ANGPT4: variants seen among roughly 807,000 people sequenced by gnomAD.
ANGPT4 encodes angiopoietin-4.
A neutral mutation model predicts 53.0 loss-of-function variants in ANGPT4; 50 were observed. That is an observed-to-expected ratio of 0.94 (90% confidence interval 0.75 to 1.20). The LOEUF (loss-of-function observed/expected upper bound fraction) is 1.20. Among genes scored for constraint, ANGPT4 ranks in the 50% most tolerant of loss-of-function variants. The pLI, the probability that ANGPT4 is intolerant of heterozygous loss-of-function variation, is 0.00. For missense variants in ANGPT4, 648 were observed against 637.1 expected (o/e 1.02, Z -0.18); for synonymous variants, 251 against 259.7 (o/e 0.97, Z 0.32).
rs557704680 is a variant in ANGPT4 at position 909,541 on chromosome 20, G to A, written c.309+6365C>T. 9.8e-5 allele frequency among the ~76,000 whole-genome samples: 15 copies of A among 152,298 alleles called. No homozygotes were observed. The East Asian group carries it at 1.2e-3, about 12-fold the overall frequency. On this transcript the variant is annotated intron_variant, in intron 1 of 8. Coordinates refer to ENST00000381922, the MANE Select transcript of ANGPT4 (RefSeq NM_015985.4). ...TACGACAGGATTCCTTCCTTGCACC[G>A]TGAATCCTGGAGTCTTGACGTTTAC...
At chr20:897,278 C>T (rs1028161107) in intron 1 of ANGPT4, among the ~76,000 whole-genome samples, 2 of 152,162 alleles carry the variant, frequency 1.3e-5, no homozygotes, top group African/African-American at 4.8e-5. Flanking sequence ...GAGACCGGTC[C>T]CCTGTCCTTG....
intron 1 of ANGPT4, among the ~76,000 whole-genome samples, chr20:895,462 C>T (rs570213521): frequency 6.6e-6 from 1 of 152,292 alleles, no homozygotes; most frequent in South Asian, 2.1e-4. Flanking sequence ...CTTTACAGAT[C>T]TGGGTCATGG....
intron 4 of ANGPT4, among the ~76,000 whole-genome samples, chr20:881,696 CA>C (rs1353391593): frequency 6.6e-6 from 1 of 152,046 alleles, no homozygotes; most frequent in Non-Finnish European, 1.5e-5. Flanking sequence ...AAGGCTGGCA[CA>C]GAGAAGGTGG....
At chr20:915,770 C>T (rs375134979) in intron 1 of ANGPT4, 136 bp downstream of exon 1, 2 of 1,153,916 alleles carry the variant, frequency 1.7e-6, no homozygotes, top group African/African-American at 1.6e-5. Flanking sequence ...CTCAGACCCA[C>T]CCCTGCCCCT....
At chr20:897,717 G>T (rs1438867065) in intron 1 of ANGPT4, among the ~76,000 whole-genome samples, 2 of 152,126 alleles carry the variant, frequency 1.3e-5, no homozygotes, top group East Asian at 3.9e-4. Context: ...GCTGCTCACC[G>T]CCCGCTTCTC....
chr20:916,233 C>A lies in ANGPT4; in HGVS notation c.-19G>T, dbSNP rs370905563. 3.4e-5 allele frequency: 54 copies of A among 1,603,616 alleles called. No individual in the cohort carries two copies. In the Middle Eastern group the frequency reaches 3.5e-3, roughly 103 times the overall value. On this transcript the variant is annotated 5_prime_UTR_variant, in exon 1 of 9. Transcript: ENST00000381922. Reference sequence around the variant, plus strand: ...AGAGCATCTGAAGATGTGTCAATGGCGAGGGATGTCTGCTCAGAGCCCTAG... The same window carrying A: ...AGAGCATCTGAAGATGTGTCAATGGAGAGGGATGTCTGCTCAGAGCCCTAG...
intron 2 of ANGPT4, among the ~76,000 whole-genome samples, chr20:889,597 A>G (rs138067615): frequency 6.6e-6 from 1 of 152,304 alleles, no homozygotes; most frequent in African/African-American, 2.4e-5. Flanking sequence ...GCAGTGCATA[A>G]CCATATATGT....
At chr20:885,614 T>C (rs1008065457) in intron 3 of ANGPT4, among the ~76,000 whole-genome samples, 3 of 152,232 alleles carry the variant, frequency 2.0e-5, no homozygotes, top group African/African-American at 7.2e-5. Flanking sequence ...CCCAGCAGTC[T>C]ACTCTCAGGA....
chr20:915,078 GC>G (rs1982870907), intron 1 of ANGPT4, among the ~76,000 whole-genome samples: 1 of 152,164 alleles, frequency 6.6e-6, no homozygotes, highest in South Asian at 2.1e-4. Context: ...CCTGATGGCT[GC>G]AGCGGCCACC....
rs564121 is a variant in ANGPT4, at chr20:908,381, G to A, written c.309+7525C>T. Among the ~76,000 whole-genome samples the A allele has an allele frequency of 6.6e-6, 1 of 151,960 alleles. No individual in the cohort carries two copies. The highest frequency in any genetic ancestry group is 1.5e-5 in the Non-Finnish European group (1 of 67,956). On this transcript the variant is annotated intron_variant, in intron 1 of 8. Transcript: ENST00000381922. This position sits in a 1 kb window ranked among gnomAD's most constrained non-coding sequence, Gnocchi z 4.9. ...CCAGGGCCTTTGCACTTGCTGTCCC[G>A]TGTGCCTGGAATGCTTTTGCTTCCT...
intron 8 of ANGPT4, among the ~76,000 whole-genome samples, chr20:873,696 C>G (rs933614056): frequency 6.6e-6 from 1 of 152,098 alleles, no homozygotes; most frequent in Non-Finnish European, 1.5e-5. Context: ...TCTTTCTCCC[C>G]CATCTCCCTC....
At chr20:913,293 C>T (rs1467431941) in intron 1 of ANGPT4, among the ~76,000 whole-genome samples, 1 of 152,106 alleles carries the variant, frequency 6.6e-6, no homozygotes, top group Non-Finnish European at 1.5e-5. Flanking sequence ...AGGTCACAGC[C>T]ACAGCCACAG....
chr20:882,505 C>CTAT (rs73616135), intron 4 of ANGPT4, among the ~76,000 whole-genome samples: 14,721 of 152,102 alleles, frequency 0.097, 1,090 homozygotes, highest in East Asian at 0.43. Context: ...CCAGAGAAGG[C>CTAT]TATTGCTCTC....
rs1266264024 is a variant in ANGPT4 at position 914,974 on chromosome 20, A to ATTTG, written c.309+931_309+932insCAAA. On this transcript the variant is annotated intron_variant, in intron 1 of 8. Transcript: ENST00000381922. This position sits in a 1 kb window ranked among gnomAD's most constrained non-coding sequence, Gnocchi z 5.0. ...CCCACTCCGCATCCAATTCACCAGC[A>ATTTG]GAGCTGATGGGCTCTACCTCCAGAA... 6.6e-6 allele frequency among the ~76,000 whole-genome samples: 1 copy of ATTTG among 152,168 alleles called. No individual in the cohort carries two copies.
chr20:912,940 A>C (rs747226765), intron 1 of ANGPT4, among the ~76,000 whole-genome samples: 9 of 152,166 alleles, frequency 5.9e-5, no homozygotes, highest in Non-Finnish European at 1.0e-4. Context: ...TCACTGCTAC[A>C]TGGCTCTGGC....
In ANGPT4 at chr20:885,178, C is replaced by T. The variant is rs140682745; in HGVS notation, c.735G>A (p.Arg245=). 1.9e-6 allele frequency: 3 copies of T among 1,606,226 alleles called. No individual in the cohort carries two copies. The African/African-American group carries it at 4.0e-5, about 21-fold the overall frequency. ...TNIERGLRGV[R]HNSSLLQDQQ... is the part of the protein sequence containing the mutation. The stretch of plus-strand genomic sequence containing the variant: ...GGTCCTGCAGGAGGCTGGAGTTGTG[C>T]CTGACACCGCGCAGGCCGCGCTCGA... The change falls in exon 4 of 9, where the codon AGG becomes AGA. Residue 245 remains arginine (R), a synonymous_variant. Transcript: ENST00000381922.
In ANGPT4 at chr20:872,734, A is replaced by AG; in HGVS notation, c.*225dup. Reference sequence around the variant, plus strand: ...AAGGGGGAGGGAGAGAAGAGGGGCGAGGACTACATCAGAGGGATGGGCCCC... The same window carrying AG: ...AAGGGGGAGGGAGAGAAGAGGGGCGAGGGACTACATCAGAGGGATGGGCCCC... On this transcript the variant is annotated 3_prime_UTR_variant, in exon 9 of 9. Coordinates refer to ENST00000381922, the MANE Select transcript of ANGPT4 (RefSeq NM_015985.4). 1 of 562,624 alleles carries AG rather than the reference A, an allele frequency of 1.8e-6. No homozygotes were observed. The highest frequency in any genetic ancestry group is 3.2e-6 in the Non-Finnish European group (1 of 316,450). The allele number at this position is 562,624 out of a possible 1,614,324, so 34.9% of individuals were successfully genotyped here.
Position 908,380 on chromosome 20 carries a change from C to T in ANGPT4, c.309+7526G>A, listed in dbSNP as rs547059441. Among the ~76,000 whole-genome samples, 4 of 152,286 alleles carry T rather than the reference C, an allele frequency of 2.6e-5. No homozygotes were observed. Among genetic ancestry groups the T allele is most frequent in the South Asian group, 2.1e-4 (1 of 4,820 alleles). On this transcript the variant is annotated intron_variant, in intron 1 of 8. Coordinates refer to ENST00000381922, the MANE Select transcript of ANGPT4 (RefSeq NM_015985.4). The surrounding 1 kb of genome is among the most constrained non-coding windows in gnomAD (Gnocchi z 4.9). ...CCCAGGGCCTTTGCACTTGCTGTCC[C>T]GTGTGCCTGGAATGCTTTTGCTTCC...
intron 1 of ANGPT4, among the ~76,000 whole-genome samples, chr20:899,756 A>G (rs1408201882): frequency 6.6e-6 from 1 of 151,966 alleles, no homozygotes; most frequent in African/African-American, 2.4e-5. Flanking sequence ...ACAACCCATT[A>G]ATCTGTTCTG....
Sources: allele counts gnomAD v4.1 joint callset (sites outside exome capture counted in the v4.1 genomes callset), GRCh38; gene constraint gnomAD v4.1.1; non-coding constraint Gnocchi (gnomAD v3.1); transcripts MANE v1.5; gene names NCBI Gene and HGNC (gene_info 2026-07-23, HGNC 2026-07-21).